Variants in BMPR1A observed in about 807,000 individuals in gnomAD.
The protein encoded by BMPR1A is bone morphogenetic protein receptor type-1A.
BMPR1A carries 7 observed loss-of-function variants against 66.0 expected under a neutral mutation model. That is an observed-to-expected ratio of 0.11 (90% CI 0.06 to 0.20). The LOEUF (loss-of-function observed/expected upper bound fraction) is 0.20. BMPR1A is among the 10% of genes least tolerant of loss of function. BMPR1A has a pLI of 1.00. For synonymous variants in BMPR1A, 200 were observed against 229.7 expected, an observed-to-expected ratio of 0.87 and a Z score of 1.17; for missense variants, 408 against 669.1, an observed-to-expected ratio of 0.61 and a Z score of 4.31.
At chr10:86,803,455 T>C (rs956184013) in intron 1 of BMPR1A, among the ~76,000 whole-genome samples, 2 of 152,178 alleles carry the variant, frequency 1.3e-5, no homozygotes, top group African/African-American at 2.4e-5. Context: ...GACATTTTTT[T>C]CCCCATTACA....
At chr10:86,799,718 A>G (rs549154794) in intron 1 of BMPR1A, among the ~76,000 whole-genome samples, 6 of 151,864 alleles carry the variant, frequency 4.0e-5, no homozygotes. Context: ...CACCCAGCTA[A>G]TTTTTGTATT....
rs1843763181 is a variant in BMPR1A at position 86,927,717 on chromosome 10, T to C, written c.*3998T>C. On this transcript the variant is annotated 3_prime_UTR_variant, in exon 13 of 13. Transcript: ENST00000372037. ...AAAATGTAGTATATATTGTATAAAA[T>C]GGAAATATCATTATTGCTTCATTAG... 5.0e-6 allele frequency: 1 copy of C among 199,068 alleles called. No individual in the cohort carries two copies. The allele number at this position is 199,068 out of a possible 1,614,324, so 12.3% of individuals were successfully genotyped here. A position where few individuals can be genotyped will look rare whatever the true frequency, so the allele number is the denominator to read the frequency against.
chr10:86,888,809 A>C (rs1843105815), intron 3 of BMPR1A, among the ~76,000 whole-genome samples: 1 of 146,964 alleles, frequency 6.8e-6, no homozygotes, highest in African/African-American at 2.6e-5. Context: ...CCTGGGCAAT[A>C]GCGTGAGACC....
At chr10:86,806,578 TCTCA>T (rs1381395807) in intron 1 of BMPR1A, among the ~76,000 whole-genome samples, 1 of 152,094 alleles carries the variant, frequency 6.6e-6, no homozygotes, top group Non-Finnish European at 1.5e-5. Flanking sequence ...TTCATCAGGG[TCTCA>T]CTCCTGTTGC....
chr10:86,838,104 C>T (rs568331433), intron 1 of BMPR1A, among the ~76,000 whole-genome samples: 1 of 152,076 alleles, frequency 6.6e-6, no homozygotes, highest in South Asian at 2.1e-4. Context: ...TTTAAGATCG[C>T]AAAGTAAACA....
At chr10:86,910,399 A>G (rs1390827428) in intron 7 of BMPR1A, among the ~76,000 whole-genome samples, 2 of 152,206 alleles carry the variant, frequency 1.3e-5, no homozygotes, top group Non-Finnish European at 2.9e-5. Context: ...GCAGCTATAC[A>G]GTGGAATACT....
intron 2 of BMPR1A, among the ~76,000 whole-genome samples, chr10:86,842,685 C>T (rs1420042520): frequency 6.6e-6 from 1 of 152,140 alleles, no homozygotes; most frequent in African/African-American, 2.4e-5. Flanking sequence ...ATACCCAAGA[C>T]TGGGCAATTT....
At chr10:86,892,820 T>C (rs12773470) in intron 5 of BMPR1A, among the ~76,000 whole-genome samples, 9,088 of 148,276 alleles carry the variant, frequency 0.061, 663 homozygotes, top group African/African-American at 0.17. Flanking sequence ...CCGAGATCGT[T>C]CCACGGTACT....
chr10:86,890,013 A>G lies in BMPR1A; in HGVS notation c.68-49A>G, dbSNP rs767250621. 6.2e-6 allele frequency: 10 copies of G among 1,601,900 alleles called. No individual in the cohort carries two copies. The highest frequency in any genetic ancestry group is 1.7e-5 in the Admixed American group (1 of 59,928). On this transcript the variant is annotated intron_variant, in intron 3 of 12. Coordinates refer to ENST00000372037, the MANE Select transcript of BMPR1A (RefSeq NM_004329.3). ...TCTCATTGAAAATTGTCACGAAACA[A>G]TGAGCTTTTCAGAAATGATTTACTT...
chr10:86,871,231 T>C (rs780343636), intron 2 of BMPR1A, among the ~76,000 whole-genome samples: 4 of 152,222 alleles, frequency 2.6e-5, no homozygotes, highest in Admixed American at 1.3e-4. Flanking sequence ...CTGCCCCTAT[T>C]CCTTCAGGAC....
chr10:86,843,782 C>T (rs996996658), intron 2 of BMPR1A, among the ~76,000 whole-genome samples: 1 of 152,182 alleles, frequency 6.6e-6, no homozygotes, highest in Non-Finnish European at 1.5e-5. Flanking sequence ...GTGAAGAAAG[C>T]TCTTTTAGTG....
At chr10:86,883,634 G>A (rs1201841166) in intron 3 of BMPR1A, among the ~76,000 whole-genome samples, 1 of 151,068 alleles carries the variant, frequency 6.6e-6, no homozygotes. Context: ...AGCCGGGCGT[G>A]GTGGCAGGCG....
At chr10:86,761,840 AATG>A (rs1289204311) in intron 1 of BMPR1A, among the ~76,000 whole-genome samples, 1 of 152,146 alleles carries the variant, frequency 6.6e-6, no homozygotes, top group Non-Finnish European at 1.5e-5. Context: ...AGATATGAAA[AATG>A]AGGTGGGAGA....
intron 2 of BMPR1A, among the ~76,000 whole-genome samples, chr10:86,849,810 AGT>A (rs1169073208): frequency 9.2e-5 from 14 of 152,366 alleles, no homozygotes; most frequent in African/African-American, 2.6e-4. Context: ...ACATCCTCAT[AGT>A]AGACACTCAG....
At chr10:86,772,419 C>T (rs111678403) in intron 1 of BMPR1A, among the ~76,000 whole-genome samples, 10,147 of 152,082 alleles carry the variant, frequency 0.067, 424 homozygotes, top group Non-Finnish European at 0.076. Flanking sequence ...CGTGAGCCAC[C>T]GCGCCCGGCC....
At chr10:86,777,479 G>C (rs1234084393) in intron 1 of BMPR1A, among the ~76,000 whole-genome samples, 1 of 152,074 alleles carries the variant, frequency 6.6e-6, no homozygotes, top group East Asian at 1.9e-4. Flanking sequence ...TACTTGGGAG[G>C]CTAAAGTGGG....
intron 2 of BMPR1A, among the ~76,000 whole-genome samples, chr10:86,845,824 C>T (rs372865044): frequency 2.0e-5 from 3 of 151,884 alleles, no homozygotes; most frequent in Admixed American, 1.3e-4. Context: ...GGTGAAACCC[C>T]GTCTCTACTA....
intron 1 of BMPR1A, among the ~76,000 whole-genome samples, chr10:86,796,868 G>T (rs1841719439): frequency 6.6e-6 from 1 of 151,838 alleles, no homozygotes; most frequent in Non-Finnish European, 1.5e-5. Context: ...AAAAGTTTGT[G>T]GTTGGGTATT....
chr10:86,760,478 TC>T (rs1841031752), intron 1 of BMPR1A, among the ~76,000 whole-genome samples: 1 of 152,072 alleles, frequency 6.6e-6, no homozygotes, highest in Non-Finnish European at 1.5e-5. Flanking sequence ...CCTCAGTTGA[TC>T]CGCTCGCCTC....
Sources: gnomAD v4.1 joint callset for allele counts (sites outside exome capture counted in the v4.1 genomes callset) on GRCh38, gnomAD v4.1.1 for gene constraint, MANE v1.5 for transcripts, NCBI Gene and HGNC (gene_info 2026-07-23, HGNC 2026-07-21) for gene names.